FOXP1: variants seen among roughly 807,000 people sequenced by gnomAD.
The protein encoded by FOXP1 is forkhead box protein P1.
In FOXP1, 15 loss-of-function variants were observed where a neutral mutation model predicts 98.2. That is an observed-to-expected ratio of 0.15 (90% confidence interval 0.10 to 0.24). FOXP1 has a LOEUF of 0.24. FOXP1 is among the 10% of genes least tolerant of loss of function. FOXP1 has a pLI of 1.00. For synonymous variants in FOXP1, 371 were observed against 314.5 expected (o/e 1.18, Z -1.90); for missense variants, 633 against 848.5 (o/e 0.75, Z 3.15).
At chr3:71,006,879 A>G (rs2042875428) in intron 12 of FOXP1, among the ~76,000 whole-genome samples, 1 of 152,198 alleles carries the variant, frequency 6.6e-6, no homozygotes, top group South Asian at 2.1e-4. Context: ...ATTTCTAACT[A>G]AAATCTGTTT....
chr3:71,306,864 C>T (rs76753627), intron 4 of FOXP1, among the ~76,000 whole-genome samples: 25,434 of 151,984 alleles, frequency 0.17, 2,270 homozygotes, highest in Non-Finnish European at 0.19. Flanking sequence ...TTACAGTCAA[C>T]AATTTTCTCC....
intron 6 of FOXP1, among the ~76,000 whole-genome samples, chr3:71,178,867 G>A (rs961931321): frequency 2.8e-4 from 43 of 151,058 alleles, no homozygotes; most frequent in African/African-American, 1.0e-3. Context: ...CTGGGCGACA[G>A]AGCGAGACTC....
intron 4 of FOXP1, among the ~76,000 whole-genome samples, chr3:71,354,150 C>CAAA (rs541215729): frequency 0.013 from 1,656 of 129,066 alleles, 48 homozygotes; most frequent in African/African-American, 0.047. Flanking sequence ...ATTAAAAATA[C>CAAA]AAAAAAAAAA....
intron 14 of FOXP1, among the ~76,000 whole-genome samples, chr3:70,985,358 A>G (rs1169867631): frequency 1.3e-5 from 2 of 152,182 alleles, no homozygotes; most frequent in Non-Finnish European, 2.9e-5. Context: ...TGAAAGCATC[A>G]AGGGTTTGCT....
intron 3 of FOXP1, among the ~76,000 whole-genome samples, chr3:71,414,043 C>T (rs771797294): frequency 1.3e-5 from 2 of 151,942 alleles, no homozygotes; most frequent in Non-Finnish European, 2.9e-5. Context: ...GCTGCGGAGG[C>T]TCATGCTAAA....
intron 5 of FOXP1, among the ~76,000 whole-genome samples, chr3:71,271,191 C>T (rs1388861580): frequency 2.0e-5 from 3 of 152,194 alleles, no homozygotes; most frequent in African/African-American, 7.2e-5. Flanking sequence ...GATAATGCCA[C>T]TGCACTCCAG....
At position 71,422,178 on chromosome 3, in the gene FOXP1, C is replaced by A. The variant is rs192891978; in HGVS notation, c.-167-62934G>T. ...TTTCTAACACAAGTCAAGGACAACA[C>A]GTAAGGAAGTTAGAAGTCAAGGGGA... is the stretch of plus-strand genomic sequence containing the variant. On this transcript the variant is annotated intron_variant, in intron 3 of 20. Transcript: ENST00000649528. 5.3e-4 allele frequency among the ~76,000 whole-genome samples: 81 copies of A among 152,286 alleles called. 1 individual carries two copies. In the East Asian group the frequency reaches 0.01, roughly 19 times the overall value.
intron 2 of FOXP1, among the ~76,000 whole-genome samples, chr3:71,506,688 T>C (rs984866472): frequency 6.6e-6 from 1 of 152,174 alleles, no homozygotes; most frequent in Admixed American, 6.5e-5. Context: ...TTCCCCTCAG[T>C]ACCAGCCAGC....
chr3:71,299,387 A>G (rs1246555323), intron 5 of FOXP1, among the ~76,000 whole-genome samples: 1 of 152,210 alleles, frequency 6.6e-6, no homozygotes, highest in Non-Finnish European at 1.5e-5. Context: ...TTCTGAAAGA[A>G]GGTGATTATA....
intron 5 of FOXP1, among the ~76,000 whole-genome samples, chr3:71,208,693 T>C (rs191976544): frequency 2.6e-5 from 4 of 152,200 alleles, no homozygotes; most frequent in Non-Finnish European, 5.9e-5. Flanking sequence ...AACAAACACA[T>C]CATCTTACAA....
intron 1 of FOXP1, chr3:71,581,983 G>A: frequency 1.1e-6 from 1 of 951,878 alleles, no homozygotes; most frequent in Non-Finnish European, 1.3e-6. Flanking sequence ...TAGGGAGAAG[G>A]GGGTGGGATG....
At chr3:71,279,255 T>G (rs1225084559) in intron 5 of FOXP1, among the ~76,000 whole-genome samples, 1 of 151,978 alleles carries the variant, frequency 6.6e-6, no homozygotes, top group Non-Finnish European at 1.5e-5. Flanking sequence ...TACATAAAAT[T>G]TCAATATAAA....
intron 5 of FOXP1, among the ~76,000 whole-genome samples, chr3:71,234,927 G>C (rs989584285): frequency 6.6e-6 from 1 of 152,150 alleles, no homozygotes; most frequent in Non-Finnish European, 1.5e-5. Flanking sequence ...GTAAGTGGGC[G>C]CATTTCATGC....
chr3:71,491,540 GTGTTAC>G (rs1406126463), intron 3 of FOXP1, among the ~76,000 whole-genome samples: 1 of 152,130 alleles, frequency 6.6e-6, no homozygotes, highest in African/African-American at 2.4e-5. Flanking sequence ...CCTTGCCCGT[GTGTTAC>G]TGTTTACTAT....
In FOXP1 at chr3:71,244,373, C is replaced by G. The variant is rs904752932; in HGVS notation, c.-11-45981G>C. 2.0e-5 allele frequency among the ~76,000 whole-genome samples: 3 copies of G among 152,098 alleles called. No individual in the cohort carries two copies. In the South Asian group the frequency reaches 6.2e-4, roughly 32 times the overall value. On this transcript the variant is annotated intron_variant, in intron 5 of 20. Transcript: ENST00000649528. ...ACTCATGCATTAGGAAGACATCCCT[C>G]CCAAAATAACTTGGCCCTCCCCCCG...
chr3:71,266,630 T>C (rs922321261), intron 5 of FOXP1, among the ~76,000 whole-genome samples: 15 of 152,230 alleles, frequency 9.9e-5, no homozygotes, highest in Non-Finnish European at 1.3e-4. Flanking sequence ...GTTTGTTGCA[T>C]AGATTTATTG....
intron 3 of FOXP1, among the ~76,000 whole-genome samples, chr3:71,382,329 G>C (rs138399453): frequency 6.6e-6 from 1 of 152,122 alleles, no homozygotes; most frequent in African/African-American, 2.4e-5. Flanking sequence ...ACCATTTAAG[G>C]CTGTGTCCCC....
chr3:71,046,806 C>T, intron 10 of FOXP1, 136 bp downstream of exon 10: 2 of 1,069,412 alleles, frequency 1.9e-6, no homozygotes, highest in Admixed American at 1.7e-5. Flanking sequence ...CCATCATTAT[C>T]CCACTCCACT....
intron 9 of FOXP1, among the ~76,000 whole-genome samples, chr3:71,050,189 T>C (rs1559815972): frequency 6.6e-6 from 1 of 152,202 alleles, no homozygotes; most frequent in Non-Finnish European, 1.5e-5. Flanking sequence ...TCTGAGATGC[T>C]TTCCTTTCTG....
Sources: gnomAD v4.1 joint callset for allele counts (sites outside exome capture counted in the v4.1 genomes callset) on GRCh38, gnomAD v4.1.1 for gene constraint, MANE v1.5 for transcripts, NCBI Gene and HGNC (gene_info 2026-07-23, HGNC 2026-07-21) for gene names.